Variants in FANK1 observed in about 807,000 individuals in gnomAD.
FANK1 encodes fibronectin type 3 and ankyrin repeat domains protein 1.
In FANK1, 44 loss-of-function variants were observed where a neutral mutation model predicts 45.3. The observed-to-expected ratio is 0.97, with a 90% CI of 0.76 to 1.25. The LOEUF (loss-of-function observed/expected upper bound fraction) is 1.25, where lower values mean the gene tolerates loss of function less well. FANK1 is among the 50% of genes most tolerant of loss of function. The pLI is 0.00. For missense variants in FANK1, 391 were observed against 424.4 expected (o/e 0.92, Z 0.69); for synonymous variants, 149 against 152.5 (o/e 0.98, Z 0.17).
At chr10:125,980,122 A>G in intron 1 of FANK1, 39 bp from the exon 2 acceptor site, 1 of 1,591,166 alleles carries the variant, frequency 6.3e-7, no homozygotes, top group Non-Finnish European at 8.5e-7. Flanking sequence ...TTCCTTATGG[A>G]AACTGGGTCC....
At chr10:125,994,961 G>A (rs1952213588) in intron 3 of FANK1, 1 of 983,950 alleles carries the variant, frequency 1.0e-6, no homozygotes, top group South Asian at 4.7e-5. Context: ...AGGCCAATAT[G>A]TAAGTCACAT....
chr10:126,002,716 C>T (rs533136585), intron 6 of FANK1, among the ~76,000 whole-genome samples: 18 of 151,668 alleles, frequency 1.2e-4, no homozygotes, highest in Admixed American at 2.0e-4. Flanking sequence ...CACCTGTATA[C>T]CCCCCACCTA....
chr10:125,912,624 G>A lies in FANK1; in HGVS notation c.13+15969G>A, dbSNP rs574504236. Among the ~76,000 whole-genome samples, 18 of 152,188 alleles carry A rather than the reference G, an allele frequency of 1.2e-4. No individual in the cohort carries two copies. In the South Asian group the frequency reaches 3.7e-3, roughly 32 times the overall value. ...TTCAATCATCTACTTAATATATAGT[G>A]CTTACCTTTGTTTTTATTTTATTTT... On this transcript the variant is annotated intron_variant, in intron 1 of 10. Coordinates refer to ENST00000368693, the MANE Select transcript of FANK1 (RefSeq NM_145235.5).
chr10:125,917,836 A>G (rs1946567805), intron 1 of FANK1, among the ~76,000 whole-genome samples: 1 of 152,312 alleles, frequency 6.6e-6, no homozygotes, highest in Admixed American at 6.5e-5. Context: ...TAATCCCAAC[A>G]TCTTGGAAGG....
chr10:125,965,927 C>A (rs1223257991), intron 1 of FANK1, among the ~76,000 whole-genome samples: 1 of 152,144 alleles, frequency 6.6e-6, no homozygotes, highest in Non-Finnish European at 1.5e-5. Flanking sequence ...TTCGTGAAGT[C>A]CTTTATACAT....
intron 3 of FANK1, among the ~76,000 whole-genome samples, chr10:125,993,113 CT>C (rs1952057238): frequency 6.6e-6 from 1 of 152,260 alleles, no homozygotes; most frequent in African/African-American, 2.4e-5. Context: ...TTTAAAAGCA[CT>C]GGGTAAAAAG....
chr10:125,949,569 A>G (rs1402682583), intron 1 of FANK1, among the ~76,000 whole-genome samples: 4 of 150,070 alleles, frequency 2.7e-5, no homozygotes, highest in African/African-American at 9.8e-5. Flanking sequence ...GATGTGAAGG[A>G]CCTCTTCAAG....
At chr10:125,917,581 A>G (rs1444098532) in intron 1 of FANK1, among the ~76,000 whole-genome samples, 1 of 152,226 alleles carries the variant, frequency 6.6e-6, no homozygotes, top group East Asian at 1.9e-4. Flanking sequence ...GTTCCTAGTT[A>G]GATCAAGTTA....
intron 6 of FANK1, chr10:126,004,531 C>G (rs1953030554): frequency 4.6e-6 from 1 of 217,088 alleles, no homozygotes; most frequent in Non-Finnish European, 9.3e-6. Flanking sequence ...TTACTCCTTC[C>G]CTTCAGCCGC....
At chr10:125,947,367 C>T (rs1415057140) in intron 1 of FANK1, among the ~76,000 whole-genome samples, 1 of 149,270 alleles carries the variant, frequency 6.7e-6, no homozygotes. Context: ...TTCAGGAAAC[C>T]CATCTCATGT....
At chr10:125,929,457 T>C (rs938046920) in intron 1 of FANK1, among the ~76,000 whole-genome samples, 1 of 152,186 alleles carries the variant, frequency 6.6e-6, no homozygotes, top group Non-Finnish European at 1.5e-5. Flanking sequence ...CTTAATCAAA[T>C]AAGTGAAACT....
intron 2 of FANK1, among the ~76,000 whole-genome samples, chr10:125,986,300 G>A (rs550711979): frequency 4.6e-5 from 7 of 152,184 alleles, no homozygotes; most frequent in Admixed American, 2.6e-4. Flanking sequence ...TGCTACACCC[G>A]AGAAGTCATT....
intron 1 of FANK1, among the ~76,000 whole-genome samples, chr10:125,940,532 A>G (rs1470749247): frequency 6.6e-6 from 1 of 152,148 alleles, no homozygotes; most frequent in East Asian, 1.9e-4. Flanking sequence ...AATAGAACAA[A>G]TGTACGATCG....
At chr10:125,975,356 A>T (rs1950793091) in intron 1 of FANK1, among the ~76,000 whole-genome samples, 1 of 152,248 alleles carries the variant, frequency 6.6e-6, no homozygotes, top group African/African-American at 2.4e-5. Context: ...CTCTGGGTAT[A>T]TACCCAGTAA....
chr10:126,008,694 A>G lies in FANK1; in HGVS notation c.849+144A>G, dbSNP rs141283940. ...GTGTGTGTTCCCTGTCGGCTTGTTC[A>G]TAAGGGCATGAGGCTGTCACTAGAA... is the stretch of plus-strand genomic sequence containing the variant. On this transcript the variant is annotated intron_variant, in intron 8 of 10. Transcript: ENST00000368693. 5.6e-5 allele frequency: 54 copies of G among 959,246 alleles called. 1 individual carries two copies. The East Asian group carries it at 1.3e-3, about 23-fold the overall frequency. The allele number at this position is 959,246 out of a possible 1,614,324, so 59.4% of individuals were successfully genotyped here.
chr10:125,966,702 A>T (rs1161670989), intron 1 of FANK1, among the ~76,000 whole-genome samples: 1 of 152,134 alleles, frequency 6.6e-6, no homozygotes. Context: ...ATCCACATTG[A>T]CTTATTCTTG....
At chr10:125,966,463 T>G (rs566797723) in intron 1 of FANK1, among the ~76,000 whole-genome samples, 12 of 152,232 alleles carry the variant, frequency 7.9e-5, no homozygotes, top group African/African-American at 2.6e-4. Flanking sequence ...TGGTTTGTAT[T>G]TGTTTGGTGT....
At chr10:126,001,325 G>A (rs1207671967) in intron 6 of FANK1, among the ~76,000 whole-genome samples, 1 of 152,136 alleles carries the variant, frequency 6.6e-6, no homozygotes, top group Non-Finnish European at 1.5e-5. Context: ...TGTTTTCAGT[G>A]CTTAAGTAAA....
intron 1 of FANK1, among the ~76,000 whole-genome samples, chr10:125,910,651 T>C (rs1396620496): frequency 2.0e-5 from 3 of 152,292 alleles, no homozygotes; most frequent in Non-Finnish European, 2.9e-5. Context: ...TATTCTGTTG[T>C]ATGAATTTAT....
Sources: gnomAD v4.1 joint callset for allele counts (sites outside exome capture counted in the v4.1 genomes callset) on GRCh38, gnomAD v4.1.1 for gene constraint, MANE v1.5 for transcripts, NCBI Gene and HGNC (gene_info 2026-07-23, HGNC 2026-07-21) for gene names.